The following MTHFD1L variants were observed in gnomAD, a reference collection of about 807,000 sequenced individuals.
The protein encoded by MTHFD1L is methylenetetrahydrofolate dehydrogenase (NADP+ dependent) 1 like, also known as monofunctional C1-tetrahydrofolate synthase, mitochondrial.
Under a neutral mutation model 119.5 loss-of-function variants are expected in MTHFD1L, and 81 were observed. The ratio of observed to expected loss-of-function variants is 0.68; its 90% CI spans 0.57 to 0.82. The LOEUF is 0.82. MTHFD1L is among the 40% of genes least tolerant of loss of function. The pLI is 0.00. For synonymous variants in MTHFD1L, 430 were observed against 475.2 expected (o/e 0.90, Z 1.24); for missense variants, 1,125 against 1,253.4 (o/e 0.90, Z 1.55).
At chr6:150,916,608 C>T (rs1004490099) in intron 8 of MTHFD1L, among the ~76,000 whole-genome samples, 3 of 149,118 alleles carry the variant, frequency 2.0e-5, no homozygotes, top group African/African-American at 4.9e-5. Context: ...GGATTACAGG[C>T]GTGAGCCACT....
chr6:150,958,876 C>G (rs997182215), intron 17 of MTHFD1L, among the ~76,000 whole-genome samples: 1 of 152,044 alleles, frequency 6.6e-6, no homozygotes, highest in Non-Finnish European at 1.5e-5. Context: ...TTTTTTTATG[C>G]TCAAGATGTG....
chr6:150,940,301 A>G (rs1474843871), intron 13 of MTHFD1L, among the ~76,000 whole-genome samples: 1 of 152,200 alleles, frequency 6.6e-6, no homozygotes, highest in African/African-American at 2.4e-5. Context: ...GGGAAGCTAA[A>G]GAGAAAATCT....
intron 24 of MTHFD1L, among the ~76,000 whole-genome samples, chr6:151,024,536 CA>C (rs11361619): frequency 0.036 from 5,088 of 143,030 alleles, 294 homozygotes; most frequent in African/African-American, 0.12. Context: ...GAGCCAAGCT[CA>C]AAAAAAAAAG....
chr6:151,059,872 G>T (rs1790425113), intron 26 of MTHFD1L, among the ~76,000 whole-genome samples: 2 of 152,206 alleles, frequency 1.3e-5, no homozygotes, highest in South Asian at 4.1e-4. Context: ...TTACGAGCGA[G>T]TTGATGCTTT....
intron 19 of MTHFD1L, among the ~76,000 whole-genome samples, chr6:150,970,912 A>C (rs1797919793): frequency 6.6e-6 from 1 of 152,116 alleles, no homozygotes; most frequent in Admixed American, 6.6e-5. Flanking sequence ...TTAATTATTA[A>C]TTTCCTCCGT....
At chr6:150,953,342 A>G (rs745947412) in intron 16 of MTHFD1L, among the ~76,000 whole-genome samples, 2 of 152,160 alleles carry the variant, frequency 1.3e-5, no homozygotes, top group Non-Finnish European at 2.9e-5. Context: ...GGTCCAGAGC[A>G]AAAAATAAGC....
chr6:151,014,611 G>A (rs970679953), intron 22 of MTHFD1L, among the ~76,000 whole-genome samples: 11 of 152,372 alleles, frequency 7.2e-5, no homozygotes, highest in African/African-American at 2.6e-4. Flanking sequence ...TCAACCTGCA[G>A]AGCATGGGCG....
intron 7 of MTHFD1L, among the ~76,000 whole-genome samples, chr6:150,889,090 T>C (rs1725007771): frequency 6.6e-6 from 1 of 151,954 alleles, no homozygotes; most frequent in Non-Finnish European, 1.5e-5. Context: ...GGCAGGAGAA[T>C]CGCTTGAACC....
chr6:151,008,613 A>G (rs1024233362), intron 20 of MTHFD1L, among the ~76,000 whole-genome samples: 2 of 152,172 alleles, frequency 1.3e-5, no homozygotes, highest in South Asian at 2.1e-4. Context: ...CTACTGACCC[A>G]GTGCCTCGCT....
At position 151,009,946 on chromosome 6, in the gene MTHFD1L, A is replaced by G; in HGVS notation, c.2253A>G (p.Gly751=). The G allele has an allele frequency of 1.2e-6, 2 of 1,607,698 alleles. No individual in the cohort carries two copies. Among genetic ancestry groups the G allele is most frequent in the Admixed American group, 3.4e-5 (2 of 58,484 alleles). The change falls in exon 21 of 28, where the codon GGA becomes GGG. Residue 751 remains glycine, a synonymous_variant. Coordinates refer to ENST00000367321, the MANE Select transcript of MTHFD1L (RefSeq NM_015440.5). Reference sequence around the variant, plus strand: ...CGGTGCGAGCTCTGAAGATGCATGGAGGCGGGCCAAGTGTAAGTGCCCACA... The same window carrying G: ...CGGTGCGAGCTCTGAAGATGCATGGGGGCGGGCCAAGTGTAAGTGCCCACA... ...VATVRALKMH[G]GGPSVTAGVP...
chr6:150,993,500 C>T (rs570862271), intron 20 of MTHFD1L, among the ~76,000 whole-genome samples: 6 of 152,074 alleles, frequency 3.9e-5, no homozygotes, highest in African/African-American at 1.4e-4. Flanking sequence ...TTATTAGAGA[C>T]GAGTTTTTGC....
intron 25 of MTHFD1L, among the ~76,000 whole-genome samples, chr6:151,035,932 A>T (rs1220750434): frequency 1.3e-5 from 2 of 152,218 alleles, no homozygotes; most frequent in Admixed American, 6.5e-5. Context: ...TCTGAAAGAC[A>T]GTTGTGATTG....
chr6:150,919,184 C>T (rs1788483275), intron 9 of MTHFD1L, among the ~76,000 whole-genome samples: 1 of 151,510 alleles, frequency 6.6e-6, no homozygotes, highest in South Asian at 2.1e-4. Flanking sequence ...ATACCTGAGA[C>T]TGGTTAACTT....
chr6:150,883,064 G>T (rs1321481091), intron 5 of MTHFD1L, among the ~76,000 whole-genome samples, 178 bp downstream of exon 5: 1 of 149,682 alleles, frequency 6.7e-6, no homozygotes, highest in Non-Finnish European at 1.5e-5. Flanking sequence ...ATGGAGTCTC[G>T]CTCTGTTGCC....
chr6:151,009,371 A>G (rs973459829), intron 20 of MTHFD1L, among the ~76,000 whole-genome samples: 7 of 151,898 alleles, frequency 4.6e-5, no homozygotes, highest in Admixed American at 1.3e-4. Flanking sequence ...CATCTCTACT[A>G]AAAATACAAA....
chr6:151,058,940 T>C (rs973913282), intron 26 of MTHFD1L, among the ~76,000 whole-genome samples: 2 of 151,946 alleles, frequency 1.3e-5, no homozygotes, highest in Non-Finnish European at 2.9e-5. Context: ...GCTTCCAAAG[T>C]GCTGGGAGTA....
intron 26 of MTHFD1L, among the ~76,000 whole-genome samples, chr6:151,046,467 GTGTGTATATA>G (rs1788041327): frequency 2.8e-5 from 1 of 36,100 alleles, no homozygotes; most frequent in African/African-American, 6.9e-5. Context: ...TAATATGTGT[GTGTGTATATA>G]TATATATATA....
intron 26 of MTHFD1L, among the ~76,000 whole-genome samples, chr6:151,076,649 TAA>T (rs36053787): frequency 2.8e-4 from 33 of 116,784 alleles, no homozygotes; most frequent in Admixed American, 4.5e-4. Context: ...ATACTCTGTC[TAA>T]AAAAAAAAAA....
intron 7 of MTHFD1L, among the ~76,000 whole-genome samples, chr6:150,897,889 G>A (rs62432684): frequency 6.6e-6 from 1 of 152,202 alleles, no homozygotes; most frequent in Non-Finnish European, 1.5e-5. Flanking sequence ...TTCTCGCCCA[G>A]GCTGGAGTGC....
Sources: allele counts gnomAD v4.1 joint callset (sites outside exome capture counted in the v4.1 genomes callset), GRCh38; gene constraint gnomAD v4.1.1; transcripts MANE v1.5; gene names NCBI Gene and HGNC (gene_info 2026-07-23, HGNC 2026-07-21).